Variants in ANXA8 observed in about 807,000 individuals in gnomAD.
ANXA8 encodes the protein VAC-beta.
A neutral mutation model predicts 26.8 loss-of-function variants in ANXA8; 9 were observed. That is an observed-to-expected ratio of 0.34 (90% CI 0.20 to 0.59). The LOEUF is 0.59. Ranked by LOEUF, ANXA8 falls within the 20% of genes least tolerant of loss-of-function variation. The pLI is 0.84. For synonymous variants in ANXA8, 39 were observed against 94.8 expected (o/e 0.41, Z 3.42); for missense variants, 83 against 238.5 (o/e 0.35, Z 4.29).
the ANXA8 span, among the ~76,000 whole-genome samples, chr10:47,660,372 C>G: frequency 0.018 from 2,742 of 149,676 alleles, 69 homozygotes; most frequent in African/African-American, 0.064. Flanking sequence ...TCAGGTTCAG[C>G]AAAAGTGGTA....
At chr10:47,581,738 C>T in the ANXA8 span, among the ~76,000 whole-genome samples, 10 of 150,590 alleles carry the variant, frequency 6.6e-5, no homozygotes, top group African/African-American at 2.2e-4. Context: ...TCCCGAGTAG[C>T]TGGAACTACA....
At chr10:47,663,575 G>A in the ANXA8 span, among the ~76,000 whole-genome samples, 3 of 127,968 alleles carry the variant, frequency 2.3e-5, 1 homozygote, top group Admixed American at 1.5e-4. Context: ...TGTAAAGACA[G>A]GGTCTCACTA....
the ANXA8 span, among the ~76,000 whole-genome samples, chr10:47,689,336 G>T: frequency 6.6e-6 from 1 of 151,590 alleles, no homozygotes; most frequent in Non-Finnish European, 1.5e-5. Flanking sequence ...GTGCTACCAC[G>T]CCCAGCTAAT....
chr10:47,684,474 T>C, the ANXA8 span, among the ~76,000 whole-genome samples: 8 of 152,106 alleles, frequency 5.3e-5, no homozygotes, highest in Non-Finnish European at 1.2e-4. Context: ...ACAAGGGTAT[T>C]TGTTTAGACC....
chr10:47,977,743 T>C, the ANXA8 span, among the ~76,000 whole-genome samples: 1 of 151,618 alleles, frequency 6.6e-6, no homozygotes, highest in Non-Finnish European at 1.5e-5. Context: ...TTCAGTAAGT[T>C]GAATATGGGT....
the ANXA8 span, among the ~76,000 whole-genome samples, chr10:47,730,075 G>A: frequency 1.0e-4 from 5 of 49,358 alleles, no homozygotes; most frequent in Admixed American, 2.7e-4. Flanking sequence ...GTCTCCCAGA[G>A]TGCTGGGATT....
chr10:47,702,637 G>A, the ANXA8 span, among the ~76,000 whole-genome samples: 7 of 151,692 alleles, frequency 4.6e-5, no homozygotes, highest in East Asian at 2.0e-4. Context: ...CACCGTGCCC[G>A]GCCTCTCTTT....
At chr10:47,704,685 A>T in the ANXA8 span, among the ~76,000 whole-genome samples, 1 of 151,932 alleles carries the variant, frequency 6.6e-6, no homozygotes, top group African/African-American at 2.4e-5. Context: ...AAATTTAGCA[A>T]AGTAGCTGGA....
At chr10:47,516,139 G>C in the ANXA8 span, among the ~76,000 whole-genome samples, 1 of 69,674 alleles carries the variant, frequency 1.4e-5, no homozygotes, top group African/African-American at 6.4e-5. Context: ...AATCAATGCA[G>C]GTGTACTGGT....
chr10:47,665,487 A>G, the ANXA8 span, among the ~76,000 whole-genome samples: 1 of 151,114 alleles, frequency 6.6e-6, no homozygotes, highest in East Asian at 1.9e-4. Context: ...TTGAAACAGT[A>G]TGGTTTGAAC....
At chr10:47,648,169 G>T in the ANXA8 span, among the ~76,000 whole-genome samples, 1 of 149,162 alleles carries the variant, frequency 6.7e-6, no homozygotes, top group Non-Finnish European at 1.5e-5. Context: ...CAGCAAGGAC[G>T]GCAAACAAAC....
chr10:47,650,782 G>C, the ANXA8 span, among the ~76,000 whole-genome samples: 1 of 148,070 alleles, frequency 6.8e-6, no homozygotes, highest in Non-Finnish European at 1.5e-5. Context: ...ACTCCAGCCT[G>C]GGCGACAGAG....
chr10:47,521,228 T>C, the ANXA8 span, among the ~76,000 whole-genome samples: 1 of 133,704 alleles, frequency 7.5e-6, no homozygotes, highest in Non-Finnish European at 1.6e-5. Flanking sequence ...GAGCCATTTT[T>C]GGGCTCTCAT....
At chr10:47,755,146 A>G in the ANXA8 span, among the ~76,000 whole-genome samples, 907 of 150,720 alleles carry the variant, frequency 6.0e-3, 2 homozygotes, top group African/African-American at 0.021. Flanking sequence ...TAGTACAGAC[A>G]GAATTTTACT....
chr10:47,943,691 T>C, the ANXA8 span, among the ~76,000 whole-genome samples: 2 of 151,554 alleles, frequency 1.3e-5, 1 homozygote, highest in South Asian at 4.2e-4. Flanking sequence ...TTTCTCTCTA[T>C]AGTAAGGCAG....
the ANXA8 span, among the ~76,000 whole-genome samples, chr10:47,679,999 G>C: frequency 1.3e-5 from 2 of 151,498 alleles, no homozygotes; most frequent in Non-Finnish European, 2.9e-5. Flanking sequence ...TTCTGAGATG[G>C]AGTTTCTCTC....
the ANXA8 span, among the ~76,000 whole-genome samples, chr10:47,551,387 A>C: frequency 6.6e-6 from 1 of 151,202 alleles, no homozygotes; most frequent in East Asian, 1.9e-4. Flanking sequence ...GGACTCACTA[A>C]ATAAAGCTAT....
the ANXA8 span, among the ~76,000 whole-genome samples, chr10:47,664,480 A>T: frequency 2.0e-5 from 3 of 151,406 alleles, no homozygotes; most frequent in Non-Finnish European, 4.4e-5. Context: ...AGGCAGGAGA[A>T]TCGCTTGAAC....
the ANXA8 span, among the ~76,000 whole-genome samples, chr10:47,733,187 T>TTCTTTCTTTCTCTCTCTCTCTC: frequency 1.1e-5 from 1 of 94,222 alleles, no homozygotes; most frequent in Non-Finnish European, 2.5e-5. Flanking sequence ...CTTTCTTTCT[T>TTCTTTCTTTCTCTCTCTCTCTC]TCTTTCTTTC....
Sources: allele counts gnomAD v4.1 joint callset (sites outside exome capture counted in the v4.1 genomes callset), GRCh38; gene constraint gnomAD v4.1.1; transcripts MANE v1.5; gene names NCBI Gene and HGNC (gene_info 2026-07-23, HGNC 2026-07-21).